The following HIF3A variants were observed in gnomAD, a reference collection of about 807,000 sequenced individuals.
HIF3A encodes hypoxia inducible factor 3 subunit alpha.
In HIF3A, 41 loss-of-function variants were observed where a neutral mutation model predicts 67.2. The ratio of observed to expected loss-of-function variants is 0.61; its 90% CI spans 0.48 to 0.79. The LOEUF is 0.79. HIF3A is among the 30% of genes least tolerant of loss of function. HIF3A has a pLI of 0.00. For synonymous variants in HIF3A, 356 were observed against 374.8 expected, an observed-to-expected ratio of 0.95 and a Z score of 0.58; for missense variants, 855 against 898.0, an observed-to-expected ratio of 0.95 and a Z score of 0.61.
At chr19:46,326,874 C>T (rs753183458) in intron 11 of HIF3A, among the ~76,000 whole-genome samples, 2 of 152,120 alleles carry the variant, frequency 1.3e-5, no homozygotes, top group African/African-American at 2.4e-5. Flanking sequence ...AAACTGGGGG[C>T]CAGGCGTGGT....
intron 14 of HIF3A, chr19:46,338,178 A>C: frequency 2.2e-6 from 1 of 454,030 alleles, no homozygotes; most frequent in Non-Finnish European, 4.4e-6. Context: ...GCCTGACACA[A>C]AGTAGGTGCT....
intron 13 of HIF3A, 57 bp downstream of exon 13, chr19:46,331,330 T>A: frequency 7.3e-7 from 1 of 1,374,682 alleles, no homozygotes; most frequent in Non-Finnish European, 1.0e-6. Flanking sequence ...GGCTTAAACC[T>A]ACTGTTTTAT....
At chr19:46,338,026 C>T (rs964152846) in intron 14 of HIF3A, among the ~76,000 whole-genome samples, 5 of 152,196 alleles carry the variant, frequency 3.3e-5, no homozygotes, top group African/African-American at 1.2e-4. Flanking sequence ...CTAAGATTCA[C>T]GCACTCGCAC....
In HIF3A at chr19:46,342,311, C is replaced by G. The variant is rs1971960072; in HGVS notation, c.*2689C>G. 1 of 152,064 alleles carries G rather than the reference C, an allele frequency of 6.6e-6. No homozygotes were observed. Among genetic ancestry groups the G allele is most frequent in the Admixed American group, 6.5e-5 (1 of 15,272 alleles). The allele number at this position is 152,064 out of a possible 1,614,324, so 9.4% of individuals were successfully genotyped here. ...TTTCTCTGGTTTTAGATCTTACCAC[C>G]CTCAACTCCTTCTGATTCTAGATCT... On this transcript the variant is annotated 3_prime_UTR_variant, in exon 15 of 15. Coordinates refer to ENST00000377670, the MANE Select transcript of HIF3A (RefSeq NM_152795.4).
At chr19:46,313,166 A>G (rs1381213836) in intron 8 of HIF3A, 3 of 559,494 alleles carry the variant, frequency 5.4e-6, no homozygotes, top group Non-Finnish European at 6.8e-6. Context: ...CACGAGAATC[A>G]TTAGAACCCA....
Position 46,339,755 on chromosome 19 carries a change from C to G in HIF3A, c.*133C>G. ...TCTCCTCTATGTACCCCCTGCCCACCTCGGGCCTACCTCAGCCCTCACCCC... is the reference window on the plus strand; with the variant it reads ...TCTCCTCTATGTACCCCCTGCCCACGTCGGGCCTACCTCAGCCCTCACCCC... On this transcript the variant is annotated 3_prime_UTR_variant, in exon 15 of 15. Transcript: ENST00000377670. 2 of 528,068 alleles carry G rather than the reference C, an allele frequency of 3.8e-6. No homozygotes were observed. The highest frequency in any genetic ancestry group is 6.5e-6 in the Non-Finnish European group (2 of 306,932). 32.7% of individuals were successfully genotyped at this position (528,068 alleles called of 1,614,324 possible). A position where few individuals can be genotyped will look rare whatever the true frequency, so the allele number is the denominator to read the frequency against.
Position 46,314,040 on chromosome 19 carries a change from T to C in HIF3A, c.1025+1387T>C, listed in dbSNP as rs190288274. On this transcript the variant is annotated intron_variant, in intron 8 of 14. Transcript: ENST00000377670. ...GGTATGAATAGAGCACAGGTTTTTTTTTTATCCATTCACCAGTTAGAAGAC... is the reference window on the plus strand; with the variant it reads ...GGTATGAATAGAGCACAGGTTTTTTCTTTATCCATTCACCAGTTAGAAGAC... 3.6e-3 allele frequency among the ~76,000 whole-genome samples: 543 copies of C among 152,036 alleles called. 7 individuals carry two copies. Among genetic ancestry groups the C allele is most frequent in the African/African-American group, 0.012 (492 of 41,474 alleles).
chr19:46,321,978 C>A lies in HIF3A; in HGVS notation c.1335+12C>A. The A allele has an allele frequency of 6.2e-7, 1 of 1,612,750 alleles. No individual in the cohort carries two copies. Among genetic ancestry groups the A allele is most frequent in the Non-Finnish European group, 8.5e-7 (1 of 1,179,350 alleles). On this transcript the variant is annotated intron_variant, in intron 10 of 14. Transcript: ENST00000377670. ...AAAGTCCTCTTTCGGTAAGCCATCCCACCCATGTGAGCCCTCAGCATCCAG... is the reference window on the plus strand; with the variant it reads ...AAAGTCCTCTTTCGGTAAGCCATCCAACCCATGTGAGCCCTCAGCATCCAG...
At chr19:46,316,819 A>G (rs1184799999) in intron 8 of HIF3A, among the ~76,000 whole-genome samples, 29 of 148,696 alleles carry the variant, frequency 2.0e-4, no homozygotes, top group African/African-American at 7.1e-4. Flanking sequence ...AAAAAAAAAG[A>G]AAAAAGAATT....
intron 8 of HIF3A, chr19:46,313,330 T>C: frequency 1.0e-6 from 1 of 983,212 alleles, no homozygotes; most frequent in Non-Finnish European, 1.2e-6. Context: ...ATGGGGTCTT[T>C]TTTGCTTTTT....
At position 46,320,532 on chromosome 19, in the gene HIF3A, A is replaced by G. The variant is rs1303336724; in HGVS notation, c.1115A>G (p.Lys372Arg). The change falls in exon 9 of 15, where the codon AAG becomes AGG. Residue 372 changes from lysine (K) to arginine (R), a missense_variant. Lys to Arg is a conservative substitution (Grantham distance 26, BLOSUM62 2). Coordinates refer to ENST00000377670, the MANE Select transcript of HIF3A (RefSeq NM_152795.4). ...RPIQRGAPSQ[K>R]DTPNPGDSLD... is the part of the protein sequence containing the mutation. ...ATTCAGCGGGGCGCCCCCTCTCAGA[A>G]GGACACCCCTAACCCTGGGGACAGC... The G allele has an allele frequency of 1.2e-6, 2 of 1,613,932 alleles. No homozygotes were observed. Among genetic ancestry groups the G allele is most frequent in the African/African-American group, 2.7e-5 (2 of 74,928 alleles).
chr19:46,301,406 G>C (rs1049901245), intron 1 of HIF3A, among the ~76,000 whole-genome samples: 3 of 152,130 alleles, frequency 2.0e-5, no homozygotes, highest in African/African-American at 7.2e-5. Context: ...ATGAGAAAAA[G>C]CCTGAAGACT....
intron 11 of HIF3A, 34 bp downstream of exon 11, chr19:46,325,673 C>A: frequency 7.1e-7 from 1 of 1,416,638 alleles, no homozygotes; most frequent in Non-Finnish European, 1.0e-6. Context: ...TAATCCTCAG[C>A]CCTGTGTTCT....
intron 2 of HIF3A, chr19:46,304,900 C>T: frequency 7.8e-6 from 3 of 383,598 alleles, no homozygotes; most frequent in South Asian, 6.7e-5. Flanking sequence ...TTACAATTCC[C>T]CTTAGGCCCT....
chr19:46,326,849 T>C (rs1970817748), intron 11 of HIF3A, among the ~76,000 whole-genome samples: 1 of 152,022 alleles, frequency 6.6e-6, no homozygotes, highest in Non-Finnish European at 1.5e-5. Flanking sequence ...GTTCTTTCAT[T>C]AGGACTTTAA....
Position 46,303,892 on chromosome 19 carries a change from C to A in HIF3A, c.27-6C>A, listed in dbSNP as rs1476504865. The A allele has an allele frequency of 1.7e-5, 27 of 1,606,856 alleles. No individual in the cohort carries two copies. The highest frequency in any genetic ancestry group is 2.3e-5 in the Non-Finnish European group (27 of 1,177,172). ...CACCACCAGTGAATGCTGCCCATGC[C>A]CTCAGGTCGACCACGGAGCTGCGCA... On this transcript the variant is annotated splice_region_variant and splice_polypyrimidine_tract_variant and intron_variant, in intron 1 of 14. Coordinates refer to ENST00000377670, the MANE Select transcript of HIF3A (RefSeq NM_152795.4).
intron 8 of HIF3A, among the ~76,000 whole-genome samples, chr19:46,315,604 C>G (rs768935893): frequency 2.6e-5 from 4 of 152,050 alleles, no homozygotes; most frequent in African/African-American, 7.2e-5. Context: ...TATATAGTAA[C>G]TGTATATTTA....
At chr19:46,298,047 C>CG (rs1190508875) in intron 1 of HIF3A, among the ~76,000 whole-genome samples, 3 of 152,070 alleles carry the variant, frequency 2.0e-5, no homozygotes, top group Admixed American at 6.5e-5. Flanking sequence ...GGGCCGCTGC[C>CG]GGGGGGTTTT....
chr19:46,310,464 CT>C (rs1332803421), intron 6 of HIF3A: 4 of 330,768 alleles, frequency 1.2e-5, no homozygotes, highest in African/African-American at 4.4e-5. Context: ...CCTTTCATCT[CT>C]TTTTCTCTCC....
Sources: allele counts gnomAD v4.1 joint callset (sites outside exome capture counted in the v4.1 genomes callset), GRCh38; gene constraint gnomAD v4.1.1; transcripts MANE v1.5; gene names NCBI Gene and HGNC (gene_info 2026-07-23, HGNC 2026-07-21).